The following ZNF704 variants were observed in gnomAD, a reference collection of about 807,000 sequenced individuals.
ZNF704 encodes the protein zinc finger protein 704.
ZNF704 carries 10 observed loss-of-function variants against 44.7 expected under a neutral mutation model. That is an observed-to-expected ratio of 0.22 (90% CI 0.14 to 0.38). The LOEUF (loss-of-function observed/expected upper bound fraction) is 0.38. Among genes scored for constraint, ZNF704 ranks in the 10% least tolerant of loss-of-function variants. ZNF704 has a pLI of 1.00. For synonymous variants in ZNF704, 211 were observed against 207.6 expected (o/e 1.02, Z -0.14); for missense variants, 390 against 545.5 (o/e 0.71, Z 2.84).
At chr8:80,740,067 C>A (rs185840599) in intron 2 of ZNF704, among the ~76,000 whole-genome samples, 90 of 152,296 alleles carry the variant, frequency 5.9e-4, no homozygotes, top group African/African-American at 2.0e-3. Context: ...ACTCTCCTGT[C>A]CCAGACAACT....
chr8:80,742,152 G>A (rs1366141565), intron 2 of ZNF704, among the ~76,000 whole-genome samples: 1 of 152,122 alleles, frequency 6.6e-6, no homozygotes, highest in Non-Finnish European at 1.5e-5. Flanking sequence ...GAAAGGAAAG[G>A]AAAGGGAAAT....
intron 1 of ZNF704, among the ~76,000 whole-genome samples, chr8:80,843,534 T>C (rs573149207): frequency 1.1e-4 from 16 of 152,352 alleles, no homozygotes; most frequent in Admixed American, 5.2e-4. Context: ...ATAAGTTGTT[T>C]ACAGCCAGAA....
At chr8:80,652,052 T>A (rs920796104) in intron 7 of ZNF704, among the ~76,000 whole-genome samples, 2 of 152,194 alleles carry the variant, frequency 1.3e-5, no homozygotes, top group Admixed American at 1.3e-4. Flanking sequence ...CTGAACAACC[T>A]GCTCCTGAAT....
At chr8:80,839,771 C>T (rs1808645039) in intron 1 of ZNF704, among the ~76,000 whole-genome samples, 2 of 152,230 alleles carry the variant, frequency 1.3e-5, no homozygotes, top group African/African-American at 4.8e-5. Context: ...TGAGGGGTTC[C>T]AGCCTGCTCC....
chr8:80,839,099 A>AT (rs1470390976), intron 1 of ZNF704, among the ~76,000 whole-genome samples: 1 of 152,118 alleles, frequency 6.6e-6, no homozygotes, highest in African/African-American at 2.4e-5. Flanking sequence ...CACTCACTGC[A>AT]TTTTACCTTT....
intron 6 of ZNF704, among the ~76,000 whole-genome samples, chr8:80,663,865 G>A (rs1346177413): frequency 6.6e-6 from 1 of 151,900 alleles, no homozygotes; most frequent in Non-Finnish European, 1.5e-5. Flanking sequence ...AAGTAGCTGG[G>A]ACTACAGGTA....
At chr8:80,845,438 TA>T (rs1228196992) in intron 1 of ZNF704, among the ~76,000 whole-genome samples, 1 of 152,236 alleles carries the variant, frequency 6.6e-6, no homozygotes. Flanking sequence ...TTTCCTGGCT[TA>T]AATCAGATCA....
At chr8:80,766,143 T>C (rs1201092661) in intron 2 of ZNF704, among the ~76,000 whole-genome samples, 2 of 152,214 alleles carry the variant, frequency 1.3e-5, no homozygotes, top group African/African-American at 2.4e-5. Context: ...AGTGGGTCTT[T>C]ATCTTATGTG....
chr8:80,844,813 AT>A (rs562955197), intron 1 of ZNF704, among the ~76,000 whole-genome samples: 204 of 151,162 alleles, frequency 1.3e-3, no homozygotes, highest in African/African-American at 4.6e-3. Flanking sequence ...AGAAGCTTGA[AT>A]TTTTTTTCTT....
intron 2 of ZNF704, among the ~76,000 whole-genome samples, chr8:80,777,812 G>A (rs1807440510): frequency 6.6e-6 from 1 of 151,354 alleles, no homozygotes; most frequent in Non-Finnish European, 1.5e-5. Context: ...CCAGGAGGCA[G>A]AGGTTGCATT....
At position 80,637,212 on chromosome 8, in the gene ZNF704, T is replaced by C. The variant is rs1817677544; in HGVS notation, c.*4154A>G. 1 of 152,110 alleles carries C rather than the reference T, an allele frequency of 6.6e-6. No homozygotes were observed. Among genetic ancestry groups the C allele is most frequent in the South Asian group, 2.1e-4 (1 of 4,834 alleles). 9.4% of individuals were successfully genotyped at this position (152,110 alleles called of 1,614,324 possible). On this transcript the variant is annotated 3_prime_UTR_variant, in exon 9 of 9. Coordinates refer to ENST00000327835, the MANE Select transcript of ZNF704 (RefSeq NM_001033723.3). The stretch of plus-strand genomic sequence containing the variant: ...TGTCTTGAAATGATACCATGTTCAT[T>C]TGAAAAAAAAATTGTTCTGACTATA...
chr8:80,868,193 C>T (rs187480476), intron 1 of ZNF704, among the ~76,000 whole-genome samples: 2 of 152,224 alleles, frequency 1.3e-5, no homozygotes, highest in East Asian at 1.9e-4. Flanking sequence ...CTTATACAGG[C>T]GCCCAGGGGT....
chr8:80,830,552 T>A (rs1417090257), intron 1 of ZNF704, among the ~76,000 whole-genome samples: 1 of 152,012 alleles, frequency 6.6e-6, no homozygotes, highest in African/African-American at 2.4e-5. Flanking sequence ...TGTAGTGATA[T>A]CTGTATGAGT....
Position 80,632,533 on chromosome 8 carries a change from C to T in ZNF704, c.*8833G>A, listed in dbSNP as rs1258665054. On this transcript the variant is annotated 3_prime_UTR_variant, in exon 9 of 9. Coordinates refer to ENST00000327835, the MANE Select transcript of ZNF704 (RefSeq NM_001033723.3). ...TGAATTAAAAATTTAGGGAAAAGGA[C>T]CTAGCAAGATAATGTAATAGTTAAT... is the stretch of plus-strand genomic sequence containing the variant. 1 of 152,036 alleles carries T rather than the reference C, an allele frequency of 6.6e-6. No homozygotes were observed. The highest frequency in any genetic ancestry group is 1.5e-5 in the Non-Finnish European group (1 of 68,014). 9.4% of individuals were successfully genotyped at this position (152,036 alleles called of 1,614,324 possible). A position where few individuals can be genotyped will look rare whatever the true frequency, so the allele number is the denominator to read the frequency against.
At chr8:80,676,976 T>C (rs1585944106) in intron 4 of ZNF704, among the ~76,000 whole-genome samples, 3 of 151,878 alleles carry the variant, frequency 2.0e-5, no homozygotes, top group South Asian at 4.2e-4. Flanking sequence ...GGCCCGGGAG[T>C]TGGGGACCCC....
At chr8:80,750,169 G>T (rs1299828844) in intron 2 of ZNF704, among the ~76,000 whole-genome samples, 1 of 152,038 alleles carries the variant, frequency 6.6e-6, no homozygotes, top group East Asian at 1.9e-4. Flanking sequence ...ATCCCCCCAG[G>T]CAGCTGCAAC....
Position 80,764,793 on chromosome 8 carries a change from C to T in ZNF704, c.221+56581G>A, listed in dbSNP as rs1416932228. 7.2e-5 allele frequency among the ~76,000 whole-genome samples: 11 copies of T among 152,324 alleles called. No individual in the cohort carries two copies. The South Asian group carries it at 8.3e-4, about 11-fold the overall frequency. ...CTTTCACCATTAAGAGAGCCTCGTA[C>T]GCTTATCACAGACTTTTATTCAAGA... On this transcript the variant is annotated intron_variant, in intron 2 of 8. Coordinates refer to ENST00000327835, the MANE Select transcript of ZNF704 (RefSeq NM_001033723.3).
chr8:80,860,299 G>A (rs564350641), intron 1 of ZNF704, among the ~76,000 whole-genome samples: 3 of 152,290 alleles, frequency 2.0e-5, no homozygotes, highest in Admixed American at 1.3e-4. Context: ...CTCATTGACC[G>A]CTGTGTCTGT....
chr8:80,779,239 T>C (rs1807469838), intron 2 of ZNF704, among the ~76,000 whole-genome samples: 1 of 152,162 alleles, frequency 6.6e-6, no homozygotes, highest in Non-Finnish European at 1.5e-5. Flanking sequence ...ATAATCCTTT[T>C]AAATTTGGAT....
Sources: allele counts gnomAD v4.1 joint callset (sites outside exome capture counted in the v4.1 genomes callset), GRCh38; gene constraint gnomAD v4.1.1; transcripts MANE v1.5; gene names NCBI Gene and HGNC (gene_info 2026-07-23, HGNC 2026-07-21).